Variants in PAK1 observed in about 807,000 individuals in gnomAD.
The protein encoded by PAK1 is p21 (RAC1) activated kinase 1.
In PAK1, 29 loss-of-function variants were observed where a neutral mutation model predicts 67.4. The ratio of observed to expected loss-of-function variants is 0.43; its 90% CI spans 0.32 to 0.59. The LOEUF (loss-of-function observed/expected upper bound fraction) is 0.59. Among genes scored for constraint, PAK1 ranks in the 20% least tolerant of loss-of-function variants. PAK1 has a pLI of 0.07. For synonymous variants in PAK1, 223 were observed against 237.4 expected (o/e 0.94, Z 0.56); for missense variants, 337 against 670.7 (o/e 0.50, Z 5.50).
chr11:77,505,340 A>T, the PAK1 span, among the ~76,000 whole-genome samples: 1 of 152,136 alleles, frequency 6.6e-6, no homozygotes, highest in African/African-American at 2.4e-5. Context: ...GGTCCCTGCC[A>T]TCAGGCCCAG....
rs572720237 is a variant in PAK1, at chr11:77,340,585, T to G, written c.1116+61A>C. ...GCTGAGATCTCACTGTACAGGGAAC[T>G]TCAGGAGACAGGAATATGGAGGCAG... On this transcript the variant is annotated intron_variant, in intron 11 of 14. Coordinates refer to ENST00000356341, the MANE Select transcript of PAK1 (RefSeq NM_002576.5). 322 of 848,904 alleles carry G rather than the reference T, an allele frequency of 3.8e-4. 2 individuals are homozygous for G. In the African/African-American group the frequency reaches 4.8e-3, roughly 13 times the overall value. 52.6% of individuals were successfully genotyped at this position (848,904 alleles called of 1,614,324 possible). A position where few individuals can be genotyped will look rare whatever the true frequency, so the allele number is the denominator to read the frequency against.
At chr11:77,445,441 G>GCA (rs1033712834) in intron 1 of PAK1, among the ~76,000 whole-genome samples, 1 of 152,158 alleles carries the variant, frequency 6.6e-6, no homozygotes, top group African/African-American at 2.4e-5. Context: ...TATTTTTAGT[G>GCA]TATATATCCT....
chr11:77,439,597 C>G (rs1458486973), intron 1 of PAK1, among the ~76,000 whole-genome samples: 1 of 152,138 alleles, frequency 6.6e-6, no homozygotes, highest in Non-Finnish European at 1.5e-5. Flanking sequence ...TAACCCTTAG[C>G]AGACTTCTAG....
chr11:77,500,818 T>C, the PAK1 span, among the ~76,000 whole-genome samples: 1 of 152,108 alleles, frequency 6.6e-6, no homozygotes, highest in Non-Finnish European at 1.5e-5. Flanking sequence ...CACTCCAGTC[T>C]AGGAGACAGA....
At chr11:77,485,056 GC>G in the PAK1 span, among the ~76,000 whole-genome samples, 1 of 152,134 alleles carries the variant, frequency 6.6e-6, no homozygotes, top group Non-Finnish European at 1.5e-5. Flanking sequence ...GGAAAGACCT[GC>G]CCCCATAATT....
At chr11:77,399,108 T>C (rs1225753055) in intron 1 of PAK1, among the ~76,000 whole-genome samples, 1 of 152,208 alleles carries the variant, frequency 6.6e-6, no homozygotes, top group Non-Finnish European at 1.5e-5. Context: ...TCAGCTTACA[T>C]ATAAAAATAT....
the PAK1 span, among the ~76,000 whole-genome samples, chr11:77,522,277 T>C: frequency 2.0e-5 from 3 of 152,342 alleles, no homozygotes; most frequent in East Asian, 5.8e-4. Context: ...TTCCTGGGCC[T>C]GCTGGAAAGT....
chr11:77,522,329 A>G, the PAK1 span, among the ~76,000 whole-genome samples: 1 of 152,172 alleles, frequency 6.6e-6, no homozygotes, highest in Non-Finnish European at 1.5e-5. Flanking sequence ...CTGCATGGGG[A>G]CTGTGTAGAC....
chr11:77,519,433 A>G, the PAK1 span, among the ~76,000 whole-genome samples: 2 of 152,132 alleles, frequency 1.3e-5, no homozygotes, highest in East Asian at 1.9e-4. Context: ...GCCTTATTAG[A>G]TTTGGGTTCC....
intron 5 of PAK1, among the ~76,000 whole-genome samples, chr11:77,359,341 T>A (rs544439077): frequency 6.6e-6 from 1 of 152,140 alleles, no homozygotes; most frequent in Non-Finnish European, 1.5e-5. Context: ...TACCTTCTTA[T>A]TCTATGAATT....
At chr11:77,421,140 C>G (rs1039577963) in intron 1 of PAK1, among the ~76,000 whole-genome samples, 1 of 151,790 alleles carries the variant, frequency 6.6e-6, no homozygotes, top group Non-Finnish European at 1.5e-5. Flanking sequence ...CTTCCTCTAC[C>G]TCCTCCCCTC....
chr11:77,462,879 T>C (rs1216134681), intron 1 of PAK1, among the ~76,000 whole-genome samples: 1 of 143,502 alleles, frequency 7.0e-6, no homozygotes, highest in East Asian at 2.0e-4. Context: ...AAAGAAGTCA[T>C]GTGGACCACA....
intron 5 of PAK1, among the ~76,000 whole-genome samples, chr11:77,364,658 T>G (rs1406233350): frequency 1.3e-4 from 19 of 151,864 alleles, no homozygotes; most frequent in Admixed American, 9.2e-4. Context: ...TTATAAGACA[T>G]GGAAAGAAAC....
chr11:77,468,802 G>A (rs1957717507), intron 1 of PAK1, among the ~76,000 whole-genome samples: 1 of 152,130 alleles, frequency 6.6e-6, no homozygotes, highest in South Asian at 2.1e-4. Context: ...GCAAAGTAAA[G>A]TACTACACTT....
the PAK1 span, among the ~76,000 whole-genome samples, chr11:77,489,621 G>T: frequency 3.9e-5 from 6 of 152,046 alleles, no homozygotes; most frequent in Admixed American, 3.9e-4. Flanking sequence ...ACTGGTTTTC[G>T]TATTTTTTTG....
chr11:77,354,871 G>A (rs1377933262), intron 7 of PAK1, among the ~76,000 whole-genome samples: 1 of 152,158 alleles, frequency 6.6e-6, no homozygotes, highest in Non-Finnish European at 1.5e-5. Context: ...CAAGCCCACA[G>A]ATCAACCTAG....
At position 77,322,890 on chromosome 11, in the gene PAK1, T is replaced by C. The variant is rs1351862284; in HGVS notation, c.*384A>G. 5 of 546,728 alleles carry C rather than the reference T, an allele frequency of 9.1e-6. No homozygotes were observed. Among genetic ancestry groups the C allele is most frequent in the Non-Finnish European group, 1.6e-5 (5 of 310,342 alleles). 33.9% of individuals were successfully genotyped at this position (546,728 alleles called of 1,614,324 possible). ...CAAGCACTAAAGAAATCTCAATTGATTACAAATTGATAATATTATCAAACC... is the reference window on the plus strand; with the variant it reads ...CAAGCACTAAAGAAATCTCAATTGACTACAAATTGATAATATTATCAAACC... On this transcript the variant is annotated 3_prime_UTR_variant, in exon 15 of 15. Coordinates refer to ENST00000356341, the MANE Select transcript of PAK1 (RefSeq NM_002576.5).
chr11:77,408,411 C>T lies in PAK1; in HGVS notation c.-21-15870G>A, dbSNP rs958842733. ...TCTAGCCTGAGCAAAACAGCAAGAT[C>T]CTGTCTCAAGAAAAGAAAAAGAAAA... is the stretch of plus-strand genomic sequence containing the variant. On this transcript the variant is annotated intron_variant, in intron 1 of 14. Transcript: ENST00000356341. Among the ~76,000 whole-genome samples, 10 of 151,956 alleles carry T rather than the reference C, an allele frequency of 6.6e-5. No individual in the cohort carries two copies. In the South Asian group the frequency reaches 1.7e-3, roughly 25 times the overall value.
the PAK1 span, among the ~76,000 whole-genome samples, chr11:77,525,182 C>T: frequency 9.3e-6 from 1 of 107,122 alleles, no homozygotes; most frequent in Non-Finnish European, 2.0e-5. Context: ...CCACCCCTAT[C>T]AAAAAAAAAA....
Sources: gnomAD v4.1 joint callset for allele counts (sites outside exome capture counted in the v4.1 genomes callset) on GRCh38, gnomAD v4.1.1 for gene constraint, MANE v1.5 for transcripts, NCBI Gene and HGNC (gene_info 2026-07-23, HGNC 2026-07-21) for gene names.